The following CD84 variants were observed in gnomAD, a reference collection of about 807,000 sequenced individuals.
CD84 encodes SLAM family member 5.
A neutral mutation model predicts 33.8 loss-of-function variants in CD84; 22 were observed. The ratio of observed to expected loss-of-function variants is 0.65; its 90% confidence interval spans 0.46 to 0.93. CD84 has a LOEUF of 0.93. Ranked by LOEUF, CD84 falls within the 40% of genes least tolerant of loss-of-function variation. The pLI is 0.00. For synonymous variants in CD84, 154 were observed against 145.2 expected, an observed-to-expected ratio of 1.06 and a Z score of -0.44; for missense variants, 400 against 397.6, an observed-to-expected ratio of 1.01 and a Z score of -0.05.
intron 1 of CD84, among the ~76,000 whole-genome samples, chr1:160,566,957 CTCT>C (rs1262662007): frequency 6.6e-6 from 1 of 152,178 alleles, no homozygotes; most frequent in African/African-American, 2.4e-5. Context: ...CTTTCTCCTC[CTCT>C]TCTTCATTAT....
chr1:160,557,572 G>A (rs1656688397), intron 2 of CD84, among the ~76,000 whole-genome samples: 1 of 152,206 alleles, frequency 6.6e-6, no homozygotes, highest in Non-Finnish European at 1.5e-5. Flanking sequence ...TTTGAGAAAT[G>A]GCCAAGGTGT....
intron 5 of CD84, among the ~76,000 whole-genome samples, chr1:160,550,425 G>T (rs1656131183): frequency 6.6e-6 from 1 of 152,030 alleles, no homozygotes; most frequent in African/African-American, 2.4e-5. Flanking sequence ...GGAGGGGAGG[G>T]AGGGGCAGGC....
chr1:160,548,797 C>T (rs1328963971), intron 6 of CD84, among the ~76,000 whole-genome samples: 1 of 152,138 alleles, frequency 6.6e-6, no homozygotes, highest in East Asian at 1.9e-4. Context: ...CTTAGGTTTT[C>T]AATTAAATAC....
chr1:160,556,510 A>T (rs1656619471), intron 2 of CD84, among the ~76,000 whole-genome samples: 1 of 152,276 alleles, frequency 6.6e-6, no homozygotes. Flanking sequence ...TGGTATGCAC[A>T]TTAATTATCT....
intron 2 of CD84, among the ~76,000 whole-genome samples, chr1:160,559,704 A>C (rs982540920): frequency 3.3e-5 from 5 of 152,142 alleles, no homozygotes; most frequent in Non-Finnish European, 5.9e-5. Flanking sequence ...TGGTATGCTG[A>C]GACCCATTTG....
At chr1:160,569,272 G>T (rs1032215353) in intron 1 of CD84, among the ~76,000 whole-genome samples, 2 of 152,126 alleles carry the variant, frequency 1.3e-5, no homozygotes, top group African/African-American at 2.4e-5. Flanking sequence ...GCTCTTAAAA[G>T]ATTTTAAGAT....
chr1:160,574,137 T>C (rs1429621478), intron 1 of CD84, among the ~76,000 whole-genome samples: 5 of 151,674 alleles, frequency 3.3e-5, no homozygotes, highest in Admixed American at 3.3e-4. Flanking sequence ...AGCTTTTTTT[T>C]TTTTTGCAAC....
intron 1 of CD84, among the ~76,000 whole-genome samples, chr1:160,577,059 A>G (rs1354603232): frequency 6.6e-6 from 1 of 152,208 alleles, no homozygotes; most frequent in Non-Finnish European, 1.5e-5. Flanking sequence ...AGAGACAGTC[A>G]GAGTCATGGT....
chr1:160,545,846 C>G lies in CD84; in HGVS notation c.*2410G>C, dbSNP rs1312709794. On this transcript the variant is annotated 3_prime_UTR_variant, in exon 7 of 7. Coordinates refer to ENST00000368054, the MANE Select transcript of CD84 (RefSeq NM_003874.4). ...GGGGTTTTGCCATGCTGGCCAGGAT[C>G]CTCTCAAATTCCTGACCTCAAGTGA... 1.3e-5 allele frequency: 2 copies of G among 152,248 alleles called. No individual in the cohort carries two copies. The highest frequency in any genetic ancestry group is 2.9e-5 in the Non-Finnish European group (2 of 68,136). 9.4% of individuals were successfully genotyped at this position (152,248 alleles called of 1,614,324 possible).
rs556111239 is a variant in CD84, at chr1:160,549,085, A to C, written c.922-764T>G. ...TCACTAAGAAAGTAAATGTCCCTCT[A>C]TCTGGTTGTCCAGTCCATTTGGCTT... On this transcript the variant is annotated intron_variant, in intron 6 of 6. Transcript: ENST00000368054. Among the ~76,000 whole-genome samples, 7 of 151,724 alleles carry C rather than the reference A, an allele frequency of 4.6e-5. No homozygotes were observed. In the South Asian group the frequency reaches 1.5e-3, roughly 32 times the overall value.
At chr1:160,572,576 TG>T (rs61391369) in intron 1 of CD84, among the ~76,000 whole-genome samples, 1,909 of 150,142 alleles carry the variant, frequency 0.013, 32 homozygotes, top group African/African-American at 0.037. Flanking sequence ...ATGTAAAAAT[TG>T]GGGGGGGGAA....
chr1:160,573,434 T>C (rs1657812525), intron 1 of CD84, among the ~76,000 whole-genome samples: 2 of 152,154 alleles, frequency 1.3e-5, no homozygotes, highest in African/African-American at 2.4e-5. Flanking sequence ...TAACCATCAC[T>C]ACTAGGCTCT....
At chr1:160,564,804 T>A (rs1218120271) in intron 2 of CD84, among the ~76,000 whole-genome samples, 1 of 152,156 alleles carries the variant, frequency 6.6e-6, no homozygotes, top group Non-Finnish European at 1.5e-5. Flanking sequence ...GAGGGAATCT[T>A]GTGATGGTTA....
At chr1:160,548,444 C>T in intron 6 of CD84, 123 bp from the exon 7 acceptor site, 1 of 872,658 alleles carries the variant, frequency 1.1e-6, no homozygotes, top group Non-Finnish European at 1.8e-6. Context: ...TTGCCTCATG[C>T]TGGGGAAATC....
intron 1 of CD84, 55 bp downstream of exon 1, chr1:160,579,337 A>C (rs1270922372): frequency 1.2e-6 from 2 of 1,612,068 alleles, no homozygotes; most frequent in Admixed American, 1.7e-5. Flanking sequence ...CCTTAAGGGC[A>C]ATTTTTAAAA....
intron 2 of CD84, among the ~76,000 whole-genome samples, chr1:160,561,403 GA>G (rs1483798835): frequency 6.6e-6 from 1 of 151,204 alleles, no homozygotes; most frequent in Admixed American, 6.6e-5. Flanking sequence ...AAATAGTACT[GA>G]AGACAAAACC....
At chr1:160,558,442 C>T (rs764210756) in intron 2 of CD84, among the ~76,000 whole-genome samples, 2 of 152,132 alleles carry the variant, frequency 1.3e-5, no homozygotes. Context: ...CAGAAAACAA[C>T]AGCATCAACA....
chr1:160,579,268 A>G, intron 1 of CD84, 124 bp downstream of exon 1: 1 of 1,318,234 alleles, frequency 7.6e-7, no homozygotes, highest in Non-Finnish European at 1.1e-6. Context: ...TGAGTACAGT[A>G]GATACTGAGA....
At chr1:160,552,783 GT>G in intron 4 of CD84, 2 of 1,445,656 alleles carry the variant, frequency 1.4e-6, no homozygotes, top group African/African-American at 1.4e-5. Flanking sequence ...GGAAGCAGAA[GT>G]TCCATGTTTT....
Sources: gnomAD v4.1 joint callset for allele counts (sites outside exome capture counted in the v4.1 genomes callset) on GRCh38, gnomAD v4.1.1 for gene constraint, MANE v1.5 for transcripts, NCBI Gene and HGNC (gene_info 2026-07-23, HGNC 2026-07-21) for gene names.